Variants in FMN1 observed in about 807,000 individuals in gnomAD.
FMN1 encodes formin 1, also known as formin-1.
In FMN1, 110 loss-of-function variants were observed where a neutral mutation model predicts 132.4. That is an observed-to-expected ratio of 0.83 (90% CI 0.71 to 0.97). The LOEUF (loss-of-function observed/expected upper bound fraction) is 0.97, where lower values mean the gene tolerates loss of function less well. Ranked by LOEUF, FMN1 falls within the 50% of genes least tolerant of loss-of-function variation. FMN1 has a pLI of 0.00. For missense variants in FMN1, 1,792 were observed against 1,705.3 expected, an observed-to-expected ratio of 1.05 and a Z score of -0.90; for synonymous variants, 722 against 651.7, an observed-to-expected ratio of 1.11 and a Z score of -1.64.
intron 6 of FMN1, among the ~76,000 whole-genome samples, chr15:33,024,812 C>A (rs1408668080): frequency 6.6e-6 from 1 of 152,102 alleles, no homozygotes; most frequent in Non-Finnish European, 1.5e-5. Context: ...TAGGAATAAA[C>A]TTAAATTTCC....
At chr15:32,820,393 A>C (rs1039196334) in intron 17 of FMN1, among the ~76,000 whole-genome samples, 3 of 152,182 alleles carry the variant, frequency 2.0e-5, no homozygotes, top group Non-Finnish European at 4.4e-5. Flanking sequence ...TCCACTCTTA[A>C]ATATTTTGCA....
intron 19 of FMN1, among the ~76,000 whole-genome samples, chr15:32,787,418 C>A (rs188155914): frequency 1.1e-4 from 16 of 152,228 alleles, no homozygotes; most frequent in African/African-American, 3.4e-4. Flanking sequence ...CGGCCCTGAC[C>A]GCTCTGGCAC....
intron 9 of FMN1, among the ~76,000 whole-genome samples, chr15:32,948,317 AT>A (rs1296525118): frequency 6.6e-6 from 1 of 151,942 alleles, no homozygotes; most frequent in Non-Finnish European, 1.5e-5. Context: ...TCTGGATTTC[AT>A]TTGCTAATAT....
At position 33,082,480 on chromosome 15, in the gene FMN1, C is replaced by T. The variant is rs187648507; in HGVS notation, c.2043+6319G>A. 2.0e-5 allele frequency among the ~76,000 whole-genome samples: 3 copies of T among 152,068 alleles called. 1 individual carries two copies. Among genetic ancestry groups the T allele is most frequent in the Admixed American group, 1.3e-4 (2 of 15,264 alleles). On this transcript the variant is annotated intron_variant, in intron 5 of 20. Coordinates refer to ENST00000616417, the MANE Select transcript of FMN1 (RefSeq NM_001277313.2). Reference sequence around the variant, plus strand: ...TACCTCTTTTTAGGGTCTTTTCTACCCACCCATGTCTTTGTTTATAGACAC... The same window carrying T: ...TACCTCTTTTTAGGGTCTTTTCTACTCACCCATGTCTTTGTTTATAGACAC...
In FMN1 at chr15:32,771,130, G is replaced by C. The variant is rs559442956; in HGVS notation, c.*3180C>G. On this transcript the variant is annotated 3_prime_UTR_variant, in exon 21 of 21. Coordinates refer to ENST00000616417, the MANE Select transcript of FMN1 (RefSeq NM_001277313.2). ...GAGTCTCACTGTCGCCCAGGCTGGAGTGCAGTGGTGCTATCTCGGCTAGCT... is the reference window on the plus strand; with the variant it reads ...GAGTCTCACTGTCGCCCAGGCTGGACTGCAGTGGTGCTATCTCGGCTAGCT... 1 of 150,590 alleles carries C rather than the reference G, an allele frequency of 6.6e-6. No homozygotes were observed. Among genetic ancestry groups the C allele is most frequent in the African/African-American group, 2.5e-5 (1 of 40,762 alleles). 9.3% of individuals were successfully genotyped at this position (150,590 alleles called of 1,614,324 possible). A position where few individuals can be genotyped will look rare whatever the true frequency, so the allele number is the denominator to read the frequency against.
intron 14 of FMN1, chr15:32,899,712 A>G: frequency 4.1e-6 from 2 of 486,578 alleles, no homozygotes; most frequent in Admixed American, 3.8e-5. Flanking sequence ...ACTGAGTAGC[A>G]GTTCAATACC....
At chr15:32,896,279 CTCT>C (rs1275360350) in intron 15 of FMN1, among the ~76,000 whole-genome samples, 2 of 151,664 alleles carry the variant, frequency 1.3e-5, no homozygotes, top group Admixed American at 6.6e-5. Context: ...GAATGATTCT[CTCT>C]TCATTTTTAA....
intron 5 of FMN1, chr15:33,067,674 G>A (rs2037809015): frequency 6.2e-7 from 1 of 1,614,024 alleles, no homozygotes; most frequent in Non-Finnish European, 8.5e-7. Flanking sequence ...GAATCATCCT[G>A]CTGAGATGTG....
At position 32,788,479 on chromosome 15, in the gene FMN1, C is replaced by A. The variant is rs16958859; in HGVS notation, c.4130+10325G>T. Among the ~76,000 whole-genome samples the A allele has an allele frequency of 6.6e-3, 1,001 of 152,238 alleles. 14 individuals carry two copies. The highest frequency in any genetic ancestry group is 0.023 in the African/African-American group (958 of 41,540). ...ACCTCTACCACCTACTGAGTCTCAC[C>A]AAAAACTAGCACTGAGAGCCTGTTT... is the stretch of plus-strand genomic sequence containing the variant. On this transcript the variant is annotated intron_variant, in intron 19 of 20. Transcript: ENST00000616417.
intron 16 of FMN1, among the ~76,000 whole-genome samples, chr15:32,886,604 T>C (rs2059903256): frequency 6.6e-6 from 1 of 152,106 alleles, no homozygotes; most frequent in African/African-American, 2.4e-5. Flanking sequence ...AGGCAGCCCC[T>C]GGAAGGAGAA....
chr15:32,937,522 C>T (rs772199557), intron 9 of FMN1, among the ~76,000 whole-genome samples: 15 of 152,180 alleles, frequency 9.9e-5, no homozygotes, highest in South Asian at 2.1e-4. Context: ...AACAAGGATC[C>T]GGTATTTTCT....
At chr15:32,968,573 C>G in intron 8 of FMN1, 141 bp downstream of exon 8, 2 of 1,291,110 alleles carry the variant, frequency 1.5e-6, no homozygotes, top group Non-Finnish European at 2.1e-6. Context: ...AACATCCCAA[C>G]ATTGTTTATC....
intron 20 of FMN1, 129 bp downstream of exon 20, chr15:32,776,705 TA>T: frequency 2.0e-6 from 1 of 512,700 alleles, no homozygotes. Context: ...TTTTTTTTTT[TA>T]ACCATATGCT....
intron 4 of FMN1, chr15:33,150,179 G>A: frequency 1.0e-6 from 1 of 985,414 alleles, no homozygotes; most frequent in Non-Finnish European, 1.2e-6. Flanking sequence ...CACTAAAAGG[G>A]TTTACTTTGA....
intron 12 of FMN1, among the ~76,000 whole-genome samples, chr15:32,907,830 T>G (rs565736991): frequency 7.3e-5 from 11 of 151,194 alleles, no homozygotes; most frequent in African/African-American, 2.2e-4. Context: ...CCTGGAAAGC[T>G]GGGCAGGGTC....
chr15:32,905,185 T>C (rs2060392918), intron 12 of FMN1, among the ~76,000 whole-genome samples: 2 of 152,318 alleles, frequency 1.3e-5, no homozygotes, highest in African/African-American at 4.8e-5. Flanking sequence ...GGGTTACACA[T>C]CTACAGCAGC....
chr15:32,779,855 G>GTAA (rs2056608295), intron 19 of FMN1, among the ~76,000 whole-genome samples: 1 of 152,154 alleles, frequency 6.6e-6, no homozygotes, highest in Non-Finnish European at 1.5e-5. Flanking sequence ...CAACAGAATA[G>GTAA]GGTATAACAG....
chr15:33,076,727 G>A (rs542820118), intron 5 of FMN1, among the ~76,000 whole-genome samples: 2 of 152,232 alleles, frequency 1.3e-5, no homozygotes, highest in Non-Finnish European at 2.9e-5. Context: ...GGATCCATCT[G>A]ATTCTAAATG....
intron 5 of FMN1, chr15:33,066,601 C>T: frequency 2.5e-6 from 4 of 1,613,766 alleles, no homozygotes; most frequent in Non-Finnish European, 3.4e-6. Context: ...TCATCTTGCG[C>T]TTGAGAGCTT....
Sources: gnomAD v4.1 joint callset for allele counts (sites outside exome capture counted in the v4.1 genomes callset) on GRCh38, gnomAD v4.1.1 for gene constraint, MANE v1.5 for transcripts, NCBI Gene and HGNC (gene_info 2026-07-23, HGNC 2026-07-21) for gene names.